Variants in ALPL observed in about 807,000 individuals in gnomAD.
ALPL encodes the protein alkaline phosphatase, tissue-nonspecific isozyme.
Under a neutral mutation model 51.3 loss-of-function variants are expected in ALPL, and 42 were observed. The observed-to-expected ratio is 0.82, with a 90% CI of 0.64 to 1.06. The LOEUF is 1.06. Among genes scored for constraint, ALPL ranks in the 50% least tolerant of loss-of-function variants. The pLI, the probability that ALPL is intolerant of heterozygous loss-of-function variation, is 0.00. For synonymous variants in ALPL, 279 were observed against 296.4 expected, an observed-to-expected ratio of 0.94 and a Z score of 0.60; for missense variants, 589 against 709.4, an observed-to-expected ratio of 0.83 and a Z score of 1.93.
At chr1:21,530,020 C>T (rs1424947284) in intron 1 of ALPL, among the ~76,000 whole-genome samples, 1 of 152,128 alleles carries the variant, frequency 6.6e-6, no homozygotes, top group Non-Finnish European at 1.5e-5. Flanking sequence ...AGTAATCCAC[C>T]CGCCTTGGCT....
chr1:21,538,914 C>T (rs1306929900), intron 1 of ALPL, among the ~76,000 whole-genome samples: 1 of 151,892 alleles, frequency 6.6e-6, no homozygotes, highest in Non-Finnish European at 1.5e-5. Flanking sequence ...GGCAAGTCAC[C>T]TCACCTCTCC....
intron 8 of ALPL, among the ~76,000 whole-genome samples, chr1:21,571,697 G>GTTGCACAGCCTTTT (rs1644651177): frequency 6.7e-6 from 1 of 149,314 alleles, no homozygotes; most frequent in African/African-American, 2.5e-5. Flanking sequence ...GAACAAACAC[G>GTTGCACAGCCTTTT]AAAAAACTTA....
intron 9 of ALPL, 150 bp from the exon 10 acceptor site, chr1:21,575,583 A>G (rs1644715615): frequency 8.6e-6 from 8 of 925,720 alleles, no homozygotes; most frequent in Non-Finnish European, 1.4e-5. Context: ...TAAAATGCCT[A>G]GGCTGTGGTG....
At position 21,521,401 on chromosome 1, in the gene ALPL, TCTCAAA is replaced by T. The variant is rs574654585; in HGVS notation, c.-105+11888_-105+11893del. Reference sequence around the variant, plus strand: ...GGTTTCATCATGTTGGCCAGGCTGGTCTCAAACTCCTGACCTCAGGTGATCCACTTG... The same window carrying T: ...GGTTTCATCATGTTGGCCAGGCTGGTCTCCTGACCTCAGGTGATCCACTTG... On this transcript the variant is annotated intron_variant, in intron 1 of 11. Coordinates refer to ENST00000374840, the MANE Select transcript of ALPL (RefSeq NM_000478.6). 3.0e-3 allele frequency among the ~76,000 whole-genome samples: 450 copies of T among 152,258 alleles called. 1 individual carries two copies. The highest frequency in any genetic ancestry group is 5.0e-3 in the Non-Finnish European group (340 of 68,010).
chr1:21,551,522 T>G (rs1644319969), intron 1 of ALPL: 1 of 140,562 alleles, frequency 7.1e-6, no homozygotes, highest in African/African-American at 2.7e-5. Flanking sequence ...GGATTTGCTA[T>G]AGAAATATTT....
rs34079543 is a variant in ALPL at position 21,530,954 on chromosome 1, A to AT, written c.-105+21458dup. On this transcript the variant is annotated intron_variant, in intron 1 of 11. Coordinates refer to ENST00000374840, the MANE Select transcript of ALPL (RefSeq NM_000478.6). ...CACCACCACATCCAGATCATTTTTGATTTTTTTTTTTTTTTTTTTTTGGAG... is the reference window on the plus strand; with the variant it reads ...CACCACCACATCCAGATCATTTTTGATTTTTTTTTTTTTTTTTTTTTTGGAG... 7.7e-3 allele frequency among the ~76,000 whole-genome samples: 805 copies of AT among 103,954 alleles called. 5 individuals carry two copies. Among genetic ancestry groups the AT allele is most frequent in the Non-Finnish European group, 0.01 (555 of 53,344 alleles). 68.2% of individuals were successfully genotyped at this position (103,954 alleles called of 152,430 possible).
intron 2 of ALPL, among the ~76,000 whole-genome samples, chr1:21,554,602 T>C (rs945578143): frequency 2.0e-5 from 3 of 151,416 alleles, no homozygotes; most frequent in African/African-American, 7.3e-5. Context: ...GCCATTCTCC[T>C]GCCTCAGCCT....
chr1:21,523,162 G>A (rs931789234), intron 1 of ALPL, among the ~76,000 whole-genome samples: 2 of 152,128 alleles, frequency 1.3e-5, no homozygotes, highest in South Asian at 4.1e-4. Context: ...GGTGGCAGGT[G>A]CCTGTAATCC....
chr1:21,562,991 A>C, intron 4 of ALPL, 119 bp from the exon 5 acceptor site: 2 of 1,383,596 alleles, frequency 1.4e-6, no homozygotes, highest in Admixed American at 3.4e-5. Context: ...GGCCTGGTCA[A>C]GGCTATGGGG....
chr1:21,547,549 C>A (rs1256344), intron 1 of ALPL, among the ~76,000 whole-genome samples: 2 of 152,158 alleles, frequency 1.3e-5, no homozygotes, highest in Non-Finnish European at 2.9e-5. Context: ...GGCCTGACTC[C>A]CCCTGCATCC....
At chr1:21,528,113 C>T (rs1448703870) in intron 1 of ALPL, among the ~76,000 whole-genome samples, 3 of 150,630 alleles carry the variant, frequency 2.0e-5, no homozygotes, top group African/African-American at 7.3e-5. Flanking sequence ...TCAACCTCCC[C>T]AAATAAAGTG....
chr1:21,553,980 T>G lies in ALPL; in HGVS notation c.-102T>G. On this transcript the variant is annotated splice_region_variant and 5_prime_UTR_variant, in exon 2 of 12. Coordinates refer to ENST00000374840, the MANE Select transcript of ALPL (RefSeq NM_000478.6). ...TTTTCTCTTTTTTTAATTTCTAGGATTGGAACATCAGTTAACATCTGACCA... is the reference window on the plus strand; with the variant it reads ...TTTTCTCTTTTTTTAATTTCTAGGAGTGGAACATCAGTTAACATCTGACCA... The G allele has an allele frequency of 1.0e-6, 1 of 970,276 alleles. No homozygotes were observed. The highest frequency in any genetic ancestry group is 1.3e-5 in the South Asian group (1 of 77,916). 60.1% of individuals were successfully genotyped at this position (970,276 alleles called of 1,614,324 possible).
chr1:21,561,240 G>T, intron 4 of ALPL, 28 bp downstream of exon 4: 1 of 1,559,902 alleles, frequency 6.4e-7, no homozygotes, highest in Admixed American at 1.8e-5. Context: ...GCCCAGTTCA[G>T]GTCTGTATAT....
chr1:21,575,604 G>A (rs980998862), intron 9 of ALPL, 129 bp from the exon 10 acceptor site: 2 of 1,117,484 alleles, frequency 1.8e-6, no homozygotes, highest in East Asian at 2.4e-5. Flanking sequence ...CTAGCTCAGA[G>A]TGGTGCCCGG....
intron 6 of ALPL, among the ~76,000 whole-genome samples, chr1:21,566,057 C>T (rs867930249): frequency 6.6e-5 from 10 of 152,118 alleles, no homozygotes; most frequent in African/African-American, 1.7e-4. Flanking sequence ...GCAAGGGACC[C>T]GTGACCTGGG....
chr1:21,554,469 A>G (rs559112620), intron 2 of ALPL, among the ~76,000 whole-genome samples: 233 of 147,224 alleles, frequency 1.6e-3, no homozygotes, highest in African/African-American at 5.5e-3. Context: ...TATATATTTC[A>G]TATATATTAT....
chr1:21,529,549 C>T (rs1204420871), intron 1 of ALPL, among the ~76,000 whole-genome samples: 2 of 152,326 alleles, frequency 1.3e-5, no homozygotes, highest in South Asian at 2.1e-4. Flanking sequence ...CCTGCTTCCT[C>T]CTGGAAGCGT....
chr1:21,559,132 G>A (rs1356432654), intron 2 of ALPL, among the ~76,000 whole-genome samples: 1 of 152,142 alleles, frequency 6.6e-6, no homozygotes, highest in African/African-American at 2.4e-5. Context: ...CCACGAACAT[G>A]CTACACGGCC....
chr1:21,514,935 C>T (rs893613356), intron 1 of ALPL, among the ~76,000 whole-genome samples: 1 of 152,142 alleles, frequency 6.6e-6, no homozygotes, highest in Non-Finnish European at 1.5e-5. Flanking sequence ...CTATGCCTCT[C>T]TGCTTTGACC....
Sources: allele counts gnomAD v4.1 joint callset (sites outside exome capture counted in the v4.1 genomes callset), GRCh38; gene constraint gnomAD v4.1.1; transcripts MANE v1.5; gene names NCBI Gene and HGNC (gene_info 2026-07-23, HGNC 2026-07-21).